CTNNA2: variants seen among roughly 807,000 people sequenced by gnomAD.
The protein encoded by CTNNA2 is catenin alpha 2.
Under a neutral mutation model 101.0 loss-of-function variants are expected in CTNNA2, and 42 were observed. The observed-to-expected ratio is 0.42, with a 90% CI of 0.32 to 0.54. The LOEUF is 0.54. Ranked by LOEUF, CTNNA2 falls within the 20% of genes least tolerant of loss-of-function variation. The pLI, the probability that CTNNA2 is intolerant of heterozygous loss-of-function variation, is 0.14. For missense variants in CTNNA2, 871 were observed against 1,223.1 expected, an observed-to-expected ratio of 0.71 and a Z score of 4.29; for synonymous variants, 450 against 456.4, an observed-to-expected ratio of 0.99 and a Z score of 0.18.
At position 79,853,033 on chromosome 2, in the gene CTNNA2, A is replaced by AT. The variant is rs1223306658; in HGVS notation, c.299-4974dup. 2.6e-5 allele frequency among the ~76,000 whole-genome samples: 4 copies of AT among 151,278 alleles called. No homozygotes were observed. In the East Asian group the frequency reaches 7.8e-4, roughly 30 times the overall value. Reference sequence around the variant, plus strand: ...AGGCACCTGCCAGCACGCCTGGCTAATTTTTTGTATTTTTAGTAGAGACAC... The same window carrying AT: ...AGGCACCTGCCAGCACGCCTGGCTAATTTTTTTGTATTTTTAGTAGAGACAC... On this transcript the variant is annotated intron_variant, in intron 3 of 18. Transcript: ENST00000402739.
At chr2:80,164,683 C>G (rs973216224) in intron 7 of CTNNA2, among the ~76,000 whole-genome samples, 1 of 150,802 alleles carries the variant, frequency 6.6e-6, no homozygotes, top group Non-Finnish European at 1.5e-5. Flanking sequence ...CTTTCCTTTC[C>G]TTTCTTTCCT....
At chr2:79,895,698 T>TTA (rs1165600682) in intron 6 of CTNNA2, among the ~76,000 whole-genome samples, 7 of 151,568 alleles carry the variant, frequency 4.6e-5, no homozygotes, top group Admixed American at 6.6e-5. Flanking sequence ...CTTAATTTTT[T>TTA]TTTTTTTTTT....
At chr2:79,732,194 C>T (rs1343755376) in intron 2 of CTNNA2, among the ~76,000 whole-genome samples, 2 of 151,954 alleles carry the variant, frequency 1.3e-5, no homozygotes, top group Non-Finnish European at 2.9e-5. Flanking sequence ...TGAAAAACTT[C>T]AGATTTGTGA....
chr2:79,425,851 A>C (rs1019139038), intron 4 of CTNNA2, among the ~76,000 whole-genome samples: 1 of 152,184 alleles, frequency 6.6e-6, no homozygotes, highest in South Asian at 2.1e-4. Flanking sequence ...AAAGATGTTT[A>C]TCTTTTTTGA....
chr2:79,338,588 T>TCTTCTA (rs1677055823), intron 3 of CTNNA2, among the ~76,000 whole-genome samples: 46 of 133,032 alleles, frequency 3.5e-4, no homozygotes, highest in African/African-American at 1.5e-3. Flanking sequence ...ATCTTCTTCT[T>TCTTCTA]CTTCTTCTTC....
chr2:80,282,903 T>G (rs1210339513), intron 7 of CTNNA2, among the ~76,000 whole-genome samples: 1 of 151,924 alleles, frequency 6.6e-6, no homozygotes, highest in Non-Finnish European at 1.5e-5. Flanking sequence ...AGGTAAATAA[T>G]GGATATTAAA....
At chr2:79,782,852 A>T (rs1464293237) in intron 3 of CTNNA2, among the ~76,000 whole-genome samples, 1 of 152,180 alleles carries the variant, frequency 6.6e-6, no homozygotes, top group East Asian at 1.9e-4. Flanking sequence ...AGAAATTGAC[A>T]GCCAATGGAA....
At chr2:79,815,272 T>G (rs769111236) in intron 3 of CTNNA2, among the ~76,000 whole-genome samples, 6 of 152,224 alleles carry the variant, frequency 3.9e-5, no homozygotes, top group Non-Finnish European at 5.9e-5. Flanking sequence ...CTCTTTAGTT[T>G]AATTAAGTCG....
At chr2:80,245,655 T>A (rs1671263492) in intron 7 of CTNNA2, among the ~76,000 whole-genome samples, 1 of 152,038 alleles carries the variant, frequency 6.6e-6, no homozygotes, top group African/African-American at 2.4e-5. Flanking sequence ...TCAAAGCCTA[T>A]AGGGACCTCT....
intron 4 of CTNNA2, among the ~76,000 whole-genome samples, chr2:79,432,940 A>C (rs1678672948): frequency 1.3e-5 from 2 of 152,220 alleles, no homozygotes; most frequent in Non-Finnish European, 2.9e-5. Context: ...ATGGCAAACA[A>C]ATGGCAAAGT....
chr2:79,982,981 T>C (rs1348516306), intron 7 of CTNNA2, among the ~76,000 whole-genome samples: 1 of 151,914 alleles, frequency 6.6e-6, no homozygotes, highest in African/African-American at 2.4e-5. Context: ...AAAGAATGGT[T>C]CTCAGCCTGG....
intron 9 of CTNNA2, among the ~76,000 whole-genome samples, chr2:80,491,604 A>G (rs1687068332): frequency 6.6e-6 from 1 of 152,226 alleles, no homozygotes; most frequent in Non-Finnish European, 1.5e-5. Context: ...GGAGAGAAAT[A>G]AGAGGCAATT....
chr2:79,542,765 T>C lies in CTNNA2; in HGVS notation c.-6+29558T>C, dbSNP rs1673500654. Among the ~76,000 whole-genome samples the C allele has an allele frequency of 2.0e-5, 3 of 152,164 alleles. No individual in the cohort carries two copies. In the South Asian group the frequency reaches 6.2e-4, roughly 31 times the overall value. Reference sequence around the variant, plus strand: ...TCTCACATGCACATACACACACATATTTATTTATTTTAGTAAGACCATTTC... The same window carrying C: ...TCTCACATGCACATACACACACATACTTATTTATTTTAGTAAGACCATTTC... On this transcript the variant is annotated intron_variant, in intron 1 of 18. Transcript: ENST00000402739.
chr2:79,918,074 C>T (rs1364327484), intron 7 of CTNNA2, among the ~76,000 whole-genome samples: 3 of 149,996 alleles, frequency 2.0e-5, no homozygotes, highest in Non-Finnish European at 4.4e-5. Flanking sequence ...CAGGAGCTCC[C>T]TGTTGCCTTC....
intron 1 of CTNNA2, among the ~76,000 whole-genome samples, chr2:79,584,428 G>A (rs1180317164): frequency 2.0e-5 from 3 of 151,526 alleles, no homozygotes; most frequent in Non-Finnish European, 4.4e-5. Flanking sequence ...AATATATTCA[G>A]TGTGTTTCAG....
intron 1 of CTNNA2, among the ~76,000 whole-genome samples, chr2:79,600,114 G>A (rs1677454226): frequency 6.6e-6 from 1 of 152,080 alleles, no homozygotes; most frequent in African/African-American, 2.4e-5. Context: ...GAGAATAATA[G>A]CAGTAAGATC....
At chr2:80,226,328 G>A (rs1418235126) in intron 7 of CTNNA2, among the ~76,000 whole-genome samples, 3 of 152,162 alleles carry the variant, frequency 2.0e-5, no homozygotes, top group African/African-American at 7.2e-5. Context: ...CTCCTCTGAG[G>A]GACTGGAGGC....
Position 80,119,117 on chromosome 2 carries a change from G to A in CTNNA2, c.1056+209320G>A, listed in dbSNP as rs1287875024. On this transcript the variant is annotated intron_variant, in intron 7 of 18. Coordinates refer to ENST00000402739, the MANE Select transcript of CTNNA2 (RefSeq NM_001282597.3). ...TTTTAGCAAAGTCTTCAAAGACCCT[G>A]ACTTTTTCTAACCTCAGCTCATAGG... 3.3e-5 allele frequency among the ~76,000 whole-genome samples: 5 copies of A among 152,324 alleles called. No homozygotes were observed. The East Asian group carries it at 5.8e-4, about 18-fold the overall frequency.
intron 7 of CTNNA2, among the ~76,000 whole-genome samples, chr2:80,112,651 TTC>T (rs1477507266): frequency 6.6e-6 from 1 of 152,190 alleles, no homozygotes; most frequent in African/African-American, 2.4e-5. Context: ...ATAGTCAAGT[TTC>T]TCTCTGTTAG....
Sources: allele counts gnomAD v4.1 joint callset (sites outside exome capture counted in the v4.1 genomes callset), GRCh38; gene constraint gnomAD v4.1.1; transcripts MANE v1.5; gene names NCBI Gene and HGNC (gene_info 2026-07-23, HGNC 2026-07-21).